Variants in RALGAPA2 observed in about 807,000 individuals in gnomAD.
RALGAPA2 encodes ral GTPase-activating protein subunit alpha-2.
RALGAPA2 carries 139 observed loss-of-function variants against 230.4 expected under a neutral mutation model. The ratio of observed to expected loss-of-function variants is 0.60; its 90% CI spans 0.53 to 0.69. The LOEUF (loss-of-function observed/expected upper bound fraction) is 0.69, where lower values mean the gene tolerates loss of function less well. Ranked by LOEUF, RALGAPA2 falls within the 30% of genes least tolerant of loss-of-function variation. RALGAPA2 has a pLI of 0.00. For synonymous variants in RALGAPA2, 847 were observed against 837.8 expected, an observed-to-expected ratio of 1.01 and a Z score of -0.19; for missense variants, 2,163 against 2,276.0, an observed-to-expected ratio of 0.95 and a Z score of 1.01.
In RALGAPA2 at chr20:20,620,475, AG is replaced by A. The variant is rs2066285694; in HGVS notation, c.1388del (p.Thr463MetfsTer29). ...EDAEKLGFSE[T>X]DSKEASSESS... ...TGAAAAAAATTACCTCCTTGCTATC[AG>A]TCTCGGAAAATCCTAATTTTTCAGC... On this transcript the variant is annotated frameshift_variant, in exon 11 of 40. Transcript: ENST00000202677. LOFTEE classifies it high-confidence loss of function. 1.2e-6 allele frequency: 2 copies of A among 1,613,344 alleles called. No individual in the cohort carries two copies. The highest frequency in any genetic ancestry group is 1.7e-6 in the Non-Finnish European group (2 of 1,179,692).
chr20:20,703,953 ATTT>A (rs2069498961), intron 1 of RALGAPA2, among the ~76,000 whole-genome samples: 2 of 152,132 alleles, frequency 1.3e-5, no homozygotes, highest in African/African-American at 4.8e-5. Flanking sequence ...CGTTAAATGC[ATTT>A]TTCAGTCACT....
intron 36 of RALGAPA2, among the ~76,000 whole-genome samples, chr20:20,490,212 T>C (rs930657181): frequency 4.5e-4 from 68 of 152,248 alleles, no homozygotes; most frequent in Middle Eastern, 3.4e-3. Flanking sequence ...ACAAAAGGAA[T>C]AATACAAATC....
chr20:20,528,051 C>G (rs1388681661), intron 27 of RALGAPA2, among the ~76,000 whole-genome samples: 1 of 152,034 alleles, frequency 6.6e-6, no homozygotes, highest in Non-Finnish European at 1.5e-5. Flanking sequence ...GAGAGGAGAG[C>G]TAAGCTGTGC....
chr20:20,472,981 A>G, intron 36 of RALGAPA2, 25 bp from the exon 37 acceptor site: 1 of 1,587,328 alleles, frequency 6.3e-7, no homozygotes, highest in Non-Finnish European at 8.6e-7. Context: ...TGGAAAAACA[A>G]ATTTTAAAAA....
intron 3 of RALGAPA2, among the ~76,000 whole-genome samples, chr20:20,663,017 T>C (rs951932465): frequency 4.6e-5 from 7 of 152,210 alleles, no homozygotes; most frequent in Non-Finnish European, 5.9e-5. Flanking sequence ...GGAGGCAGAC[T>C]AGACGAAGAA....
At chr20:20,431,055 T>G (rs970019967) in intron 37 of RALGAPA2, among the ~76,000 whole-genome samples, 3 of 152,026 alleles carry the variant, frequency 2.0e-5, no homozygotes, top group African/African-American at 2.4e-5. Context: ...GGCTATACCC[T>G]TTTGGTGTGG....
intron 26 of RALGAPA2, among the ~76,000 whole-genome samples, chr20:20,532,652 A>G (rs1024250707): frequency 2.7e-4 from 41 of 152,196 alleles, no homozygotes; most frequent in African/African-American, 9.4e-4. Flanking sequence ...AAGTCTGAAT[A>G]TAAAAGGGGT....
At chr20:20,500,806 T>C (rs1016201214) in intron 35 of RALGAPA2, among the ~76,000 whole-genome samples, 5 of 152,222 alleles carry the variant, frequency 3.3e-5, no homozygotes, top group African/African-American at 1.2e-4. Flanking sequence ...ATGAAAGTTC[T>C]TAAATAGTAA....
chr20:20,584,314 T>G (rs1031335636), intron 19 of RALGAPA2, among the ~76,000 whole-genome samples: 7 of 152,212 alleles, frequency 4.6e-5, no homozygotes, highest in African/African-American at 7.2e-5. Context: ...GGGAAGATAA[T>G]TTTTCTCTCC....
intron 10 of RALGAPA2, among the ~76,000 whole-genome samples, chr20:20,623,512 A>C (rs922356264): frequency 2.6e-4 from 39 of 152,162 alleles, no homozygotes; most frequent in Non-Finnish European, 4.6e-4. Flanking sequence ...AAAAAAAAAA[A>C]AAACAAATCC....
intron 39 of RALGAPA2, among the ~76,000 whole-genome samples, chr20:20,395,363 T>C (rs1156539243): frequency 6.6e-6 from 1 of 152,236 alleles, no homozygotes; most frequent in Non-Finnish European, 1.5e-5. Context: ...GCCGCCTTCC[T>C]GATATGACAC....
intron 24 of RALGAPA2, among the ~76,000 whole-genome samples, chr20:20,540,129 G>A (rs1380779081): frequency 6.6e-6 from 1 of 152,174 alleles, no homozygotes; most frequent in African/African-American, 2.4e-5. Flanking sequence ...ATACCCAGAA[G>A]TGGGATTGCT....
intron 3 of RALGAPA2, among the ~76,000 whole-genome samples, chr20:20,663,686 G>C (rs1307714149): frequency 3.9e-5 from 6 of 152,088 alleles, no homozygotes; most frequent in African/African-American, 1.4e-4. Flanking sequence ...CTGCCTCCTG[G>C]GTTCAAGTGA....
At chr20:20,485,292 T>C (rs1400146348) in intron 36 of RALGAPA2, among the ~76,000 whole-genome samples, 3 of 152,314 alleles carry the variant, frequency 2.0e-5, no homozygotes, top group African/African-American at 4.8e-5. Flanking sequence ...GATATTAATA[T>C]AGTTATTCCA....
At chr20:20,429,075 G>A (rs968013418) in intron 37 of RALGAPA2, among the ~76,000 whole-genome samples, 2 of 152,076 alleles carry the variant, frequency 1.3e-5, no homozygotes, top group Non-Finnish European at 2.9e-5. Context: ...GGTGCAGTTG[G>A]CTGCCACTCA....
intron 18 of RALGAPA2, among the ~76,000 whole-genome samples, chr20:20,588,431 A>G (rs1469046772): frequency 1.3e-5 from 2 of 152,248 alleles, no homozygotes; most frequent in Non-Finnish European, 2.9e-5. Flanking sequence ...ATACATAGTT[A>G]CATAGCAAAA....
In RALGAPA2 at chr20:20,620,569, T is replaced by C. The variant is rs2066288235; in HGVS notation, c.1295A>G (p.Lys432Arg). 6.2e-7 allele frequency: 1 copy of C among 1,613,908 alleles called. No homozygotes were observed. The highest frequency in any genetic ancestry group is 1.3e-5 in the African/African-American group (1 of 75,058). ...CACAGGTTTGTCCTGGAGAATCCAC[T>C]TTCTGTACACTTGAACTACTTTTCT... ...VTRKVVQVYR[K>R]WILQDKPVFM... Residue 432 changes from lysine to arginine, a missense_variant, in exon 11 of 40, where the codon AAG becomes AGG. Coordinates refer to ENST00000202677, the MANE Select transcript of RALGAPA2 (RefSeq NM_020343.4).
rs60906434 is a variant in RALGAPA2 at position 20,653,195 on chromosome 20, C to CAAAAAAAAAAAA, written c.328+323_328+334dup. ...TAGGCGACAGAGCAAGACTCCATCT[C>CAAAAAAAAAAAA]AAAAAAAAAAAAAAAAAAAAAAAAA... On this transcript the variant is annotated intron_variant, in intron 4 of 39. Transcript: ENST00000202677. Among the ~76,000 whole-genome samples the CAAAAAAAAAAAA allele has an allele frequency of 6.2e-4, 17 of 27,528 alleles. 1 individual carries two copies. Among genetic ancestry groups the CAAAAAAAAAAAA allele is most frequent in the Non-Finnish European group, 8.4e-4 (11 of 13,036 alleles). 18.1% of individuals were successfully genotyped at this position (27,528 alleles called of 152,430 possible).
chr20:20,692,007 C>CTT (rs1568760831), intron 1 of RALGAPA2, among the ~76,000 whole-genome samples: 1 of 152,128 alleles, frequency 6.6e-6, no homozygotes. Flanking sequence ...CCTCCTCTCT[C>CTT]TTATCATGTG....
Sources: gnomAD v4.1 joint callset for allele counts (sites outside exome capture counted in the v4.1 genomes callset) on GRCh38, gnomAD v4.1.1 for gene constraint, MANE v1.5 for transcripts, NCBI Gene and HGNC (gene_info 2026-07-23, HGNC 2026-07-21) for gene names.